Variants in ACOX3 observed in about 807,000 individuals in gnomAD.
ACOX3 encodes acyl-CoA oxidase 3, pristanoyl, also known as peroxisomal acyl-coenzyme A oxidase 3.
A neutral mutation model predicts 81.5 loss-of-function variants in ACOX3; 73 were observed. The observed-to-expected ratio is 0.90, with a 90% CI of 0.74 to 1.09. ACOX3 has a LOEUF of 1.09. Among genes scored for constraint, ACOX3 ranks in the 50% least tolerant of loss-of-function variants. ACOX3 has a pLI of 0.00. For missense variants in ACOX3, 947 were observed against 928.0 expected (o/e 1.02, Z -0.27); for synonymous variants, 387 against 375.1 (o/e 1.03, Z -0.37).
intron 7 of ACOX3, among the ~76,000 whole-genome samples, chr4:8,401,216 C>T (rs973580110): frequency 6.6e-6 from 1 of 152,094 alleles, no homozygotes; most frequent in African/African-American, 2.4e-5. Context: ...TCACCCGATG[C>T]TCACCTCCTG....
the ACOX3 span, among the ~76,000 whole-genome samples, chr4:8,360,119 T>C: frequency 1.3e-5 from 2 of 152,220 alleles, no homozygotes; most frequent in South Asian, 2.1e-4. Flanking sequence ...CTTGTAACCA[T>C]GTGGCCATGC....
chr4:8,370,883 C>T lies in ACOX3; in HGVS notation c.1983+25G>A. ...ATGCCCATCAACCCTTGGGGCACTC[C>T]CGTGAGGCCCTGTCCTCCCTTTACC... On this transcript the variant is annotated intron_variant, in intron 17 of 17. Coordinates refer to ENST00000356406, the MANE Select transcript of ACOX3 (RefSeq NM_003501.3). This position sits in a 1 kb window ranked among gnomAD's most constrained non-coding sequence, Gnocchi z 6.3. 2 of 1,608,498 alleles carry T rather than the reference C, an allele frequency of 1.2e-6. No homozygotes were observed. The highest frequency in any genetic ancestry group is 1.7e-6 in the Non-Finnish European group (2 of 1,175,944).
At chr4:8,383,104 G>A (rs560616783) in intron 13 of ACOX3, among the ~76,000 whole-genome samples, 7 of 152,274 alleles carry the variant, frequency 4.6e-5, no homozygotes, top group South Asian at 4.1e-4. Flanking sequence ...TGAGAAGCCC[G>A]TCACAAACCA....
rs944448368 is a variant in ACOX3, at chr4:8,386,264, G to A, written c.1537+2909C>T. On this transcript the variant is annotated intron_variant, in intron 13 of 17. Transcript: ENST00000356406. The surrounding 1 kb of genome is among the most constrained non-coding windows in gnomAD (Gnocchi z 5.2). ...TAGTTCTTTCTGTGGCAACATTTGG[G>A]AAGCTTAGAAAGTGACTTGCGGCCG... is the stretch of plus-strand genomic sequence containing the variant. 1.3e-5 allele frequency among the ~76,000 whole-genome samples: 2 copies of A among 152,172 alleles called. No individual in the cohort carries two copies. The highest frequency in any genetic ancestry group is 2.1e-4 in the South Asian group (1 of 4,832).
rs1718709506 is a variant in ACOX3, at chr4:8,389,547, C to A, written c.1423+65G>T. The A allele has an allele frequency of 6.2e-7, 1 of 1,607,776 alleles. No homozygotes were observed. The highest frequency in any genetic ancestry group is 8.5e-7 in the Non-Finnish European group (1 of 1,177,734). ...CACAGAACAGCTGAATCAGTGAGGC[C>A]AGGAGAACCCACCCCTGCCCCAGTT... On this transcript the variant is annotated intron_variant, in intron 12 of 17. Transcript: ENST00000356406. The surrounding 1 kb of genome is among the most constrained non-coding windows in gnomAD (Gnocchi z 5.3).
intron 5 of ACOX3, among the ~76,000 whole-genome samples, chr4:8,413,037 C>T (rs1341003153): frequency 4.1e-5 from 6 of 145,592 alleles, no homozygotes; most frequent in Non-Finnish European, 9.0e-5. Flanking sequence ...AGCCCCAGGG[C>T]ATCCATCTGT....
rs1720036605 is a variant in ACOX3 at position 8,399,006 on chromosome 4, C to T, written c.873+550G>A. On this transcript the variant is annotated intron_variant, in intron 8 of 17. Transcript: ENST00000356406. The surrounding 1 kb of genome is among the most constrained non-coding windows in gnomAD (Gnocchi z 4.9). ...CATCCCCATCATGCTCCTTTTCCAT[C>T]CGTGCTTCCTGATGTCAGATGCTGC... Among the ~76,000 whole-genome samples, 1 of 152,198 alleles carries T rather than the reference C, an allele frequency of 6.6e-6. No homozygotes were observed. The highest frequency in any genetic ancestry group is 6.5e-5 in the Admixed American group (1 of 15,290).
At position 8,406,541 on chromosome 4, in the gene ACOX3, C is replaced by G. The variant is rs1022120874; in HGVS notation, c.688-498G>C. ...GACCACTACCACCAAGACACGGAGACCGGTAGTGGCCCCGAAGGCCAGGCT... is the reference window on the plus strand; with the variant it reads ...GACCACTACCACCAAGACACGGAGAGCGGTAGTGGCCCCGAAGGCCAGGCT... On this transcript the variant is annotated intron_variant, in intron 6 of 17. Transcript: ENST00000356406. This position sits in a 1 kb window ranked among gnomAD's most constrained non-coding sequence, Gnocchi z 5.6. Among the ~76,000 whole-genome samples, 3 of 144,634 alleles carry G rather than the reference C, an allele frequency of 2.1e-5. No individual in the cohort carries two copies. Among genetic ancestry groups the G allele is most frequent in the Non-Finnish European group, 4.4e-5 (3 of 67,906 alleles). 94.9% of individuals were successfully genotyped at this position (144,634 alleles called of 152,430 possible).
At position 8,397,073 on chromosome 4, in the gene ACOX3, C is replaced by T; in HGVS notation, c.920G>A (p.Gly307Asp). 1.3e-6 allele frequency: 2 copies of T among 1,597,074 alleles called. No individual in the cohort carries two copies. The highest frequency in any genetic ancestry group is 1.8e-5 in the Admixed American group (1 of 56,082). The change falls in exon 9 of 18, where the codon GGC (glycine) becomes GAC (aspartate). Residue 307 changes from glycine to aspartate, a missense_variant. Coordinates refer to ENST00000356406, the MANE Select transcript of ACOX3 (RefSeq NM_003501.3). ...FGASLGSLSS[G>D]RVSIVSLAIL... ...GGCCAGGCTCACGATGGAGACCCGG[C>T]CCGAGGACAGGCTCCCCAGGGACGC...
intron 1 of ACOX3, among the ~76,000 whole-genome samples, chr4:8,421,497 G>A (rs899725439): frequency 3.9e-5 from 6 of 152,198 alleles, no homozygotes; most frequent in South Asian, 4.1e-4. Flanking sequence ...TTGCCCATGC[G>A]TGCACCCCTA....
chr4:8,416,245 G>A lies in ACOX3; in HGVS notation c.144+133C>T, dbSNP rs1722319230. 7 of 1,455,744 alleles carry A rather than the reference G, an allele frequency of 4.8e-6. No individual in the cohort carries two copies. The highest frequency in any genetic ancestry group is 3.4e-5 in the Admixed American group (2 of 58,246). The allele number at this position is 1,455,744 out of a possible 1,614,324, so 90.2% of individuals were successfully genotyped here. A position where few individuals can be genotyped will look rare whatever the true frequency, so the allele number is the denominator to read the frequency against. On this transcript the variant is annotated intron_variant, in intron 2 of 17. Transcript: ENST00000356406. This position sits in a 1 kb window ranked among gnomAD's most constrained non-coding sequence, Gnocchi z 4.2. ...GAGGCCTGTCCTGGGGTGCAGAGAGGAGAGAGGCCGCGCTGCCTGGGATGA... is the reference window on the plus strand; with the variant it reads ...GAGGCCTGTCCTGGGGTGCAGAGAGAAGAGAGGCCGCGCTGCCTGGGATGA...
rs1481432607 is a variant in ACOX3 at position 8,370,804 on chromosome 4, C to A, written c.1983+104G>T. 1.8e-6 allele frequency: 2 copies of A among 1,100,292 alleles called. No homozygotes were observed. The highest frequency in any genetic ancestry group is 2.7e-6 in the Non-Finnish European group (2 of 745,716). 68.2% of individuals were successfully genotyped at this position (1,100,292 alleles called of 1,614,324 possible). On this transcript the variant is annotated intron_variant, in intron 17 of 17. Coordinates refer to ENST00000356406, the MANE Select transcript of ACOX3 (RefSeq NM_003501.3). This position sits in a 1 kb window ranked among gnomAD's most constrained non-coding sequence, Gnocchi z 6.3. ...CAAGAAGCTCCTCCATGTGTGACCA[C>A]TTTCCAGAAGACACCAGACCCCTGA...
rs972745505 is a variant in ACOX3 at position 8,423,274 on chromosome 4, C to T, written c.-14-6739G>A. The stretch of plus-strand genomic sequence containing the variant: ...CCCCCACACCCTTGTTAGGGAGATA[C>T]ATTCTAGCAAAAGCAGGGGCCATTA... On this transcript the variant is annotated intron_variant, in intron 1 of 17. Coordinates refer to ENST00000356406, the MANE Select transcript of ACOX3 (RefSeq NM_003501.3). This position sits in a 1 kb window ranked among gnomAD's most constrained non-coding sequence, Gnocchi z 4.2. 6.6e-6 allele frequency among the ~76,000 whole-genome samples: 1 copy of T among 152,152 alleles called. No individual in the cohort carries two copies. Among genetic ancestry groups the T allele is most frequent in the Non-Finnish European group, 1.5e-5 (1 of 68,020 alleles).
rs565022658 is a variant in ACOX3 at position 8,389,834 on chromosome 4, G to C, written c.1301-100C>G. 24 of 1,502,476 alleles carry C rather than the reference G, an allele frequency of 1.6e-5. No individual in the cohort carries two copies. In the Middle Eastern group the frequency reaches 8.8e-4, roughly 55 times the overall value. The allele number at this position is 1,502,476 out of a possible 1,614,324, so 93.1% of individuals were successfully genotyped here. A position where few individuals can be genotyped will look rare whatever the true frequency, so the allele number is the denominator to read the frequency against. ...AAAAAGCCTTAAGAGGCTGGGTGCG[G>C]TGGCTCACACCTGTAATGGCAGCAC... On this transcript the variant is annotated intron_variant, in intron 11 of 17. Transcript: ENST00000356406. This position sits in a 1 kb window ranked among gnomAD's most constrained non-coding sequence, Gnocchi z 5.3.
Position 8,399,688 on chromosome 4 carries a change from G to A in ACOX3, c.777-36C>T. 6.3e-7 allele frequency: 1 copy of A among 1,579,040 alleles called. No individual in the cohort carries two copies. Reference sequence around the variant, plus strand: ...GCAGCAGGGCTTCTGTTAAACAGGGGTCCTGCCCTGAGGCTCTTCTCTTCT... The same window carrying A: ...GCAGCAGGGCTTCTGTTAAACAGGGATCCTGCCCTGAGGCTCTTCTCTTCT... On this transcript the variant is annotated intron_variant, in intron 7 of 17. Coordinates refer to ENST00000356406, the MANE Select transcript of ACOX3 (RefSeq NM_003501.3). The surrounding 1 kb of genome is among the most constrained non-coding windows in gnomAD (Gnocchi z 4.9).
At position 8,389,757 on chromosome 4, in the gene ACOX3, C is replaced by A. The variant is rs1299050044; in HGVS notation, c.1301-23G>T. 4 of 1,612,264 alleles carry A rather than the reference C, an allele frequency of 2.5e-6. No individual in the cohort carries two copies. The highest frequency in any genetic ancestry group is 1.3e-5 in the African/African-American group (1 of 74,876). ...TCACTGCAACAAAGCCACAATAGTACCATCATTTAAGACGCATATTTGAGA... is the reference window on the plus strand; with the variant it reads ...TCACTGCAACAAAGCCACAATAGTAACATCATTTAAGACGCATATTTGAGA... On this transcript the variant is annotated intron_variant, in intron 11 of 17. Coordinates refer to ENST00000356406, the MANE Select transcript of ACOX3 (RefSeq NM_003501.3). The surrounding 1 kb of genome is among the most constrained non-coding windows in gnomAD (Gnocchi z 5.3).
chr4:8,420,208 C>T (rs950594891), intron 1 of ACOX3, among the ~76,000 whole-genome samples: 2 of 152,234 alleles, frequency 1.3e-5, no homozygotes, highest in African/African-American at 4.8e-5. Context: ...TGGGCCCATG[C>T]CACTTGAAGT....
chr4:8,364,999 G>A (rs560186870), downstream of ACOX3, among the ~76,000 whole-genome samples: 57 of 152,138 alleles, frequency 3.7e-4, no homozygotes, highest in South Asian at 9.4e-3. The surrounding 1 kb of genome is among the most constrained non-coding windows in gnomAD (Gnocchi z 5.0). Context: ...GTTCCTTCTC[G>A]CTTAGAAAAG....
chr4:8,434,684 A>C (rs577168886), intron 1 of ACOX3, among the ~76,000 whole-genome samples: 5 of 152,240 alleles, frequency 3.3e-5, no homozygotes, highest in Non-Finnish European at 4.4e-5. Context: ...ACTCCATTTG[A>C]GTGGAAGCGT....
Sources: allele counts gnomAD v4.1 joint callset (sites outside exome capture counted in the v4.1 genomes callset), GRCh38; gene constraint gnomAD v4.1.1; non-coding constraint Gnocchi (gnomAD v3.1); transcripts MANE v1.5; gene names NCBI Gene and HGNC (gene_info 2026-07-23, HGNC 2026-07-21).